The following MYO18B variants were observed in gnomAD, a reference collection of about 807,000 sequenced individuals.
MYO18B encodes the protein unconventional myosin-XVIIIb.
A neutral mutation model predicts 273.0 loss-of-function variants in MYO18B; 204 were observed. The observed-to-expected ratio is 0.75, with a 90% CI of 0.67 to 0.84. The LOEUF is 0.84. Among genes scored for constraint, MYO18B ranks in the 40% least tolerant of loss-of-function variants. MYO18B has a pLI of 0.00. For synonymous variants in MYO18B, 1,330 were observed against 1,305.7 expected, an observed-to-expected ratio of 1.02 and a Z score of -0.40; for missense variants, 3,212 against 3,287.6, an observed-to-expected ratio of 0.98 and a Z score of 0.56.
intron 1 of MYO18B, among the ~76,000 whole-genome samples, chr22:25,755,704 G>C (rs2086094501): frequency 6.6e-6 from 1 of 152,096 alleles, no homozygotes; most frequent in Admixed American, 6.5e-5. Flanking sequence ...TTTGTTCACG[G>C]GACAGCTGCT....
At chr22:26,048,446 C>T in the MYO18B span, among the ~76,000 whole-genome samples, 2 of 151,894 alleles carry the variant, frequency 1.3e-5, no homozygotes, top group Non-Finnish European at 2.9e-5. Flanking sequence ...GGTTAAAGAC[C>T]TCTGGGGAAT....
chr22:25,761,849 C>T (rs1486927671), intron 2 of MYO18B, among the ~76,000 whole-genome samples: 2 of 152,054 alleles, frequency 1.3e-5, no homozygotes, highest in Non-Finnish European at 2.9e-5. Context: ...CTTGGCCAGG[C>T]GTGGTGGCTC....
At chr22:25,859,453 C>A (rs1036927304) in intron 21 of MYO18B, among the ~76,000 whole-genome samples, 10 of 152,048 alleles carry the variant, frequency 6.6e-5, no homozygotes, top group African/African-American at 2.4e-4. Context: ...AAGAAACTGT[C>A]AAGTTATTTT....
In MYO18B at chr22:25,952,330, C is replaced by T. The variant is rs771086410; in HGVS notation, c.5877C>T (p.Thr1959=). ...QMRIEYLEQS[T]VDRAIVSRQE... ...GCATCGAGTACCTGGAACAGTCCAC[C>T]GTGGATCGAGCCATCGTCAGCAGGC... The change falls in exon 38 of 44, where the codon ACC becomes ACT. Residue 1959 remains threonine, a synonymous_variant. Coordinates refer to ENST00000335473, the MANE Select transcript of MYO18B (RefSeq NM_032608.7). 17 of 1,611,500 alleles carry T rather than the reference C, an allele frequency of 1.1e-5. No individual in the cohort carries two copies. The highest frequency in any genetic ancestry group is 5.0e-5 in the Admixed American group (3 of 59,740).
chr22:25,773,833 G>A (rs372787582), intron 7 of MYO18B, among the ~76,000 whole-genome samples: 2 of 152,168 alleles, frequency 1.3e-5, no homozygotes, highest in Admixed American at 6.5e-5. Flanking sequence ...GTCCCTACTG[G>A]GGTTTTTAGC....
At chr22:25,885,443 G>A (rs779588946) in intron 25 of MYO18B, among the ~76,000 whole-genome samples, 5 of 152,162 alleles carry the variant, frequency 3.3e-5, no homozygotes, top group Non-Finnish European at 5.9e-5. Flanking sequence ...AGCAGGAGCT[G>A]GCCAGGTGAC....
intron 39 of MYO18B, among the ~76,000 whole-genome samples, chr22:25,992,096 G>A (rs183603771): frequency 2.6e-5 from 4 of 152,326 alleles, no homozygotes; most frequent in Non-Finnish European, 4.4e-5. Context: ...GGGGTCAGAT[G>A]CATTGGGAGC....
chr22:25,988,206 A>G (rs1356464232), intron 39 of MYO18B, among the ~76,000 whole-genome samples: 1 of 151,888 alleles, frequency 6.6e-6, no homozygotes, highest in Non-Finnish European at 1.5e-5. Context: ...GCCTTGTATT[A>G]TCTGCCCCAG....
chr22:25,773,355 G>C (rs1177019947), intron 7 of MYO18B, among the ~76,000 whole-genome samples: 1 of 152,222 alleles, frequency 6.6e-6, no homozygotes, highest in Non-Finnish European at 1.5e-5. Flanking sequence ...CAGATGAGTG[G>C]AGGAAGAGGT....
intron 31 of MYO18B, among the ~76,000 whole-genome samples, chr22:25,905,645 G>A (rs866625246): frequency 3.9e-5 from 6 of 152,316 alleles, no homozygotes; most frequent in Middle Eastern, 3.4e-3. Flanking sequence ...CAGGATAGTC[G>A]TAGGATATTC....
At chr22:25,978,960 C>G (rs138255226) in intron 39 of MYO18B, among the ~76,000 whole-genome samples, 206 of 152,218 alleles carry the variant, frequency 1.4e-3, no homozygotes, top group African/African-American at 4.8e-3. Context: ...AAAAAAAGAA[C>G]TATCTGAATC....
chr22:26,012,288 C>T (rs1427273399), intron 42 of MYO18B, among the ~76,000 whole-genome samples: 2 of 152,106 alleles, frequency 1.3e-5, no homozygotes, highest in Non-Finnish European at 2.9e-5. Context: ...ACAGCTCGTT[C>T]CCAAAGTGGG....
At chr22:25,922,957 C>T (rs779282130) in intron 34 of MYO18B, among the ~76,000 whole-genome samples, 1 of 152,202 alleles carries the variant, frequency 6.6e-6, no homozygotes, top group Non-Finnish European at 1.5e-5. Context: ...CTCCCATTTC[C>T]TCTCCCGGGA....
the MYO18B span, among the ~76,000 whole-genome samples, chr22:26,057,481 C>G: frequency 6.6e-6 from 1 of 151,070 alleles, no homozygotes; most frequent in Non-Finnish European, 1.5e-5. Flanking sequence ...CTGTAACTTA[C>G]CAAACTAGGT....
intron 14 of MYO18B, 137 bp downstream of exon 14, chr22:25,826,636 T>C: frequency 1.4e-6 from 1 of 697,622 alleles, no homozygotes; most frequent in Non-Finnish European, 2.4e-6. Flanking sequence ...TGGGTTTAAC[T>C]TCTACCTTGG....
chr22:25,754,256 A>AGG (rs2086037204), intron 1 of MYO18B, among the ~76,000 whole-genome samples: 1 of 152,202 alleles, frequency 6.6e-6, no homozygotes, highest in Admixed American at 6.5e-5. Flanking sequence ...AAAGCATTTG[A>AGG]GGCAGAGAGA....
intron 21 of MYO18B, among the ~76,000 whole-genome samples, chr22:25,862,837 C>CT (rs201702771): frequency 0.013 from 1,821 of 141,928 alleles, 17 homozygotes; most frequent in African/African-American, 0.035. Context: ...GATGCATAGA[C>CT]TTTTTTTTTG....
At chr22:25,843,701 G>C (rs1393716517) in intron 17 of MYO18B, 34 bp from the exon 18 acceptor site, 4 of 1,591,824 alleles carry the variant, frequency 2.5e-6, no homozygotes, top group South Asian at 1.1e-5. Context: ...TCCTCAACAG[G>C]CTCCAGCACT....
intron 1 of MYO18B, among the ~76,000 whole-genome samples, chr22:25,743,689 T>C (rs1420021180): frequency 6.6e-6 from 1 of 152,080 alleles, no homozygotes; most frequent in African/African-American, 2.4e-5. Flanking sequence ...TCAACAAATA[T>C]TTGATGTCAC....
Sources: allele counts gnomAD v4.1 joint callset (sites outside exome capture counted in the v4.1 genomes callset), GRCh38; gene constraint gnomAD v4.1.1; transcripts MANE v1.5; gene names NCBI Gene and HGNC (gene_info 2026-07-23, HGNC 2026-07-21).